THRB: variants seen among roughly 807,000 people sequenced by gnomAD.
THRB encodes the protein thyroid hormone receptor beta.
In THRB, 12 loss-of-function variants were observed where a neutral mutation model predicts 47.8. That is an observed-to-expected ratio of 0.25 (90% CI 0.16 to 0.41). THRB has a LOEUF of 0.41. Among genes scored for constraint, THRB ranks in the 10% least tolerant of loss-of-function variants. THRB has a pLI of 1.00. For missense variants in THRB, 348 were observed against 589.2 expected, an observed-to-expected ratio of 0.59 and a Z score of 4.24; for synonymous variants, 218 against 212.2, an observed-to-expected ratio of 1.03 and a Z score of -0.24.
intron 3 of THRB, among the ~76,000 whole-genome samples, chr3:24,252,389 G>C (rs1488900329): frequency 2.6e-5 from 4 of 151,792 alleles, no homozygotes; most frequent in Non-Finnish European, 5.9e-5. Context: ...CTAAAGATGA[G>C]ATAAACAGTA....
chr3:24,479,843 A>G (rs549603479), intron 1 of THRB, among the ~76,000 whole-genome samples: 111 of 152,186 alleles, frequency 7.3e-4, no homozygotes, highest in African/African-American at 2.6e-3. Flanking sequence ...GACTGCCAAC[A>G]CCTGCATTCC....
rs536672848 is a variant in THRB at position 24,252,089 on chromosome 3, G to A, written c.-42-23088C>T. Among the ~76,000 whole-genome samples the A allele has an allele frequency of 6.6e-5, 10 of 152,238 alleles. No homozygotes were observed. In the East Asian group the frequency reaches 1.7e-3, roughly 26 times the overall value. ...TCCTTGAAAGACGCTAAAATGGTATGTGATAATAGTCACTGCTTGTTCTTG... is the reference window on the plus strand; with the variant it reads ...TCCTTGAAAGACGCTAAAATGGTATATGATAATAGTCACTGCTTGTTCTTG... On this transcript the variant is annotated intron_variant, in intron 3 of 10. Transcript: ENST00000646209.
intron 2 of THRB, among the ~76,000 whole-genome samples, chr3:24,330,945 C>T (rs373387979): frequency 6.6e-6 from 1 of 152,152 alleles, no homozygotes; most frequent in Non-Finnish European, 1.5e-5. Flanking sequence ...TACTGACAAA[C>T]TTTGTCATTT....
chr3:24,412,525 G>A (rs2068391335), intron 1 of THRB, among the ~76,000 whole-genome samples: 3 of 151,716 alleles, frequency 2.0e-5, no homozygotes, highest in Admixed American at 2.0e-4. Context: ...AGTACAGATG[G>A]ATTAAAGAGT....
intron 4 of THRB, among the ~76,000 whole-genome samples, chr3:24,218,974 TAGCA>T (rs2046893774): frequency 6.6e-6 from 1 of 152,158 alleles, no homozygotes; most frequent in Non-Finnish European, 1.5e-5. Flanking sequence ...CAGCATAGAA[TAGCA>T]TTCTAAGCTC....
Position 24,123,113 on chromosome 3 carries a change from A to G in THRB, c.1157T>C (p.Leu386Pro). ...CTTTTCTATTCTCTCAACACAGGCA[A>G]GCCCCGGGCGATCTGCGGGGAAGAG... ...VLLMSSDRPG[L>P]ACVERIEKYQ... Residue 386 changes from leucine to proline, a missense_variant, in exon 11 of 11, where the codon CTT becomes CCT. Transcript: ENST00000646209. 6.2e-7 allele frequency: 1 copy of G among 1,614,192 alleles called. No homozygotes were observed. Among genetic ancestry groups the G allele is most frequent in the Non-Finnish European group, 8.5e-7 (1 of 1,180,040 alleles).
intron 1 of THRB, among the ~76,000 whole-genome samples, chr3:24,378,615 T>C (rs555380017): frequency 1.1e-4 from 17 of 152,164 alleles, no homozygotes; most frequent in Non-Finnish European, 2.2e-4. Flanking sequence ...ATATAGGCCA[T>C]TGAGCCTTTC....
At chr3:24,145,540 TA>T (rs771204272) in intron 7 of THRB, among the ~76,000 whole-genome samples, 39 of 152,172 alleles carry the variant, frequency 2.6e-4, no homozygotes, top group Non-Finnish European at 3.7e-4. Context: ...CTATCAGGCA[TA>T]TTGTTGGCAA....
intron 4 of THRB, among the ~76,000 whole-genome samples, chr3:24,197,860 G>T (rs527859113): frequency 5.9e-5 from 9 of 152,352 alleles, no homozygotes; most frequent in African/African-American, 2.2e-4. Flanking sequence ...AGAAAGGGCA[G>T]CTAGATGGCT....
intron 3 of THRB, among the ~76,000 whole-genome samples, chr3:24,248,757 C>T (rs754555446): frequency 1.3e-5 from 2 of 152,190 alleles, no homozygotes; most frequent in African/African-American, 2.4e-5. Flanking sequence ...GTTCTAGCAG[C>T]AGCTGGTTGG....
chr3:24,313,242 A>G (rs2057881162), intron 2 of THRB, among the ~76,000 whole-genome samples: 2 of 151,986 alleles, frequency 1.3e-5, no homozygotes, highest in African/African-American at 2.4e-5. Flanking sequence ...CCTCTCAACC[A>G]CTCGGGAAAT....
rs1560011027 is a variant in THRB, at chr3:24,357,378, A to AAAAAAAAC, written c.-260-20008_-260-20007insGTTTTTTT. ...AAAAAAAAAAAAAAAAAAAAAACAA[A>AAAAAAAAC]AAACAAACAAACAAAAAAACACCAA... On this transcript the variant is annotated intron_variant, in intron 1 of 10. Transcript: ENST00000646209. 1.3e-3 allele frequency among the ~76,000 whole-genome samples: 180 copies of AAAAAAAAC among 141,236 alleles called. 5 individuals carry two copies. Among genetic ancestry groups the AAAAAAAAC allele is most frequent in the African/African-American group, 5.0e-3 (168 of 33,670 alleles). 92.7% of individuals were successfully genotyped at this position (141,236 alleles called of 152,430 possible). A position where few individuals can be genotyped will look rare whatever the true frequency, so the allele number is the denominator to read the frequency against.
At chr3:24,327,871 A>G (rs1349417183) in intron 2 of THRB, among the ~76,000 whole-genome samples, 1 of 152,202 alleles carries the variant, frequency 6.6e-6, no homozygotes, top group East Asian at 1.9e-4. Flanking sequence ...GAACAAAGGT[A>G]AACAAGAAAG....
intron 1 of THRB, among the ~76,000 whole-genome samples, chr3:24,407,854 T>C (rs1182328736): frequency 2.0e-5 from 3 of 151,886 alleles, no homozygotes; most frequent in Non-Finnish European, 4.4e-5. Flanking sequence ...TTCTCATCTT[T>C]GGTGAAATTT....
chr3:24,281,884 C>A (rs370300388), intron 3 of THRB, among the ~76,000 whole-genome samples: 4 of 151,428 alleles, frequency 2.6e-5, no homozygotes, highest in African/African-American at 7.3e-5. Context: ...AGAAGAGCTA[C>A]CTATCCTAAA....
intron 1 of THRB, among the ~76,000 whole-genome samples, chr3:24,412,539 C>T (rs1225026107): frequency 1.3e-5 from 2 of 151,632 alleles, no homozygotes; most frequent in African/African-American, 4.8e-5. Context: ...AAAGAGTTAC[C>T]AAACAAAGCT....
At chr3:24,326,225 G>A (rs972875081) in intron 2 of THRB, among the ~76,000 whole-genome samples, 54 of 152,024 alleles carry the variant, frequency 3.6e-4, no homozygotes, top group Admixed American at 3.1e-3. Flanking sequence ...ACCACGGTTA[G>A]TTACAACTTT....
intron 3 of THRB, among the ~76,000 whole-genome samples, chr3:24,255,371 TATACA>T (rs1314132990): frequency 8.5e-5 from 13 of 152,192 alleles, no homozygotes; most frequent in Non-Finnish European, 1.9e-4. Flanking sequence ...AATATATACA[TATACA>T]ATACAACACA....
chr3:24,439,685 C>G (rs35570323), intron 1 of THRB, among the ~76,000 whole-genome samples: 1 of 152,034 alleles, frequency 6.6e-6, no homozygotes, highest in Non-Finnish European at 1.5e-5. Context: ...TTGCTATTAA[C>G]TACATGTTGG....
Sources: gnomAD v4.1 joint callset for allele counts (sites outside exome capture counted in the v4.1 genomes callset) on GRCh38, gnomAD v4.1.1 for gene constraint, MANE v1.5 for transcripts, NCBI Gene and HGNC (gene_info 2026-07-23, HGNC 2026-07-21) for gene names.